Variants in AREG observed in about 807,000 individuals in gnomAD.
The protein encoded by AREG is amphiregulin B.
A neutral mutation model predicts 28.0 loss-of-function variants in AREG; 16 were observed. The observed-to-expected ratio is 0.57, with a 90% CI of 0.39 to 0.87. The LOEUF is 0.87. AREG is among the 40% of genes least tolerant of loss of function. The pLI, the probability that AREG is intolerant of heterozygous loss-of-function variation, is 0.00. For synonymous variants in AREG, 113 were observed against 113.5 expected (o/e 1.00, Z 0.02); for missense variants, 287 against 309.1 (o/e 0.93, Z 0.53).
rs1255106360 is a variant in AREG at position 74,450,047 on chromosome 4, C to T, written c.513-333C>T. The stretch of plus-strand genomic sequence containing the variant: ...TTTCACATTGTTTTAACCTCCTCCC[C>T]GCTTACCTCCCACAAGCAGCTAGCA... On this transcript the variant is annotated intron_variant, in intron 3 of 5. Coordinates refer to ENST00000395748, the MANE Select transcript of AREG (RefSeq NM_001657.4). Among the ~76,000 whole-genome samples the T allele has an allele frequency of 6.6e-5, 10 of 152,002 alleles. No homozygotes were observed. In the South Asian group the frequency reaches 1.7e-3, roughly 25 times the overall value.
chr4:74,451,654 T>C (rs887314431), intron 4 of AREG, among the ~76,000 whole-genome samples: 3 of 152,196 alleles, frequency 2.0e-5, no homozygotes, highest in Non-Finnish European at 4.4e-5. Flanking sequence ...CAAAGGTGTT[T>C]AGGAGACATA....
In AREG at chr4:74,446,501, T is replaced by A. The variant is rs1359708106; in HGVS notation, c.62-33T>A. The A allele has an allele frequency of 6.2e-6, 10 of 1,614,014 alleles. No homozygotes were observed. In the East Asian group the frequency reaches 8.9e-5, roughly 14 times the overall value. ...GACTCGAAAGGCACCCTACTTTACC[T>A]TTTCTTTTCTTCCTTTATTCCCTCC... is the stretch of plus-strand genomic sequence containing the variant. On this transcript the variant is annotated intron_variant, in intron 1 of 5. Transcript: ENST00000395748.
In AREG at chr4:74,452,601, T is replaced by G. The variant is rs1719397300; in HGVS notation, c.723T>G (p.Leu241=). 1 of 1,613,418 alleles carries G rather than the reference T, an allele frequency of 6.2e-7. No homozygotes were observed. Among genetic ancestry groups the G allele is most frequent in the South Asian group, 1.1e-5 (1 of 91,064 alleles). The change falls in exon 5 of 6, where the codon CTT becomes CTG. Residue 241 remains leucine, a synonymous_variant. Coordinates refer to ENST00000395748, the MANE Select transcript of AREG (RefSeq NM_001657.4). ...GAGAAGCTGAGGAACGAAAGAAACTTCGACAAGAGAATGGAAATGTACATG... is the reference window on the plus strand; with the variant it reads ...GAGAAGCTGAGGAACGAAAGAAACTGCGACAAGAGAATGGAAATGTACATG... The part of the protein sequence containing the change: ...YEGEAEERKK[L]RQENGNVHAI...
At chr4:74,453,304 CT>C (rs1157023721) in intron 5 of AREG, among the ~76,000 whole-genome samples, 3 of 152,044 alleles carry the variant, frequency 2.0e-5, no homozygotes, top group Non-Finnish European at 4.4e-5. Context: ...GTTGAATGCT[CT>C]TTTTTTACAA....
chr4:74,455,002 CA>C lies in AREG; in HGVS notation c.*265del. On this transcript the variant is annotated 3_prime_UTR_variant, in exon 6 of 6. Coordinates refer to ENST00000395748, the MANE Select transcript of AREG (RefSeq NM_001657.4). The stretch of plus-strand genomic sequence containing the variant: ...TTACAGCTCATTAAACTTTTTTAAC[CA>C]AACAGATTGAGAGTTTGAATATTAG... The C allele has an allele frequency of 1.8e-6, 1 of 568,804 alleles. No individual in the cohort carries two copies. Among genetic ancestry groups the C allele is most frequent in the South Asian group, 2.5e-5 (1 of 39,354 alleles). 35.2% of individuals were successfully genotyped at this position (568,804 alleles called of 1,614,324 possible).
Position 74,448,405 on chromosome 4 carries a change from C to T in AREG, c.311-642C>T, listed in dbSNP as rs915939350. On this transcript the variant is annotated intron_variant, in intron 2 of 5. Coordinates refer to ENST00000395748, the MANE Select transcript of AREG (RefSeq NM_001657.4). ...ACCCTAGTTGACCTTCACTATGTTT[C>T]TAATGTTTTGTATTGAATGGGTGCT... is the stretch of plus-strand genomic sequence containing the variant. Among the ~76,000 whole-genome samples the T allele has an allele frequency of 3.8e-3, 574 of 152,256 alleles. 4 individuals carry two copies. The highest frequency in any genetic ancestry group is 0.013 in the African/African-American group (537 of 41,544).
chr4:74,454,140 A>G (rs1187279395), intron 5 of AREG, among the ~76,000 whole-genome samples: 1 of 152,228 alleles, frequency 6.6e-6, no homozygotes, highest in Non-Finnish European at 1.5e-5. Flanking sequence ...GTAATTATTC[A>G]TACCAATGCT....
intron 5 of AREG, 84 bp from the exon 6 acceptor site, chr4:74,454,675 G>C: frequency 1.7e-6 from 1 of 584,020 alleles, no homozygotes; most frequent in Non-Finnish European, 3.0e-6. Flanking sequence ...ATGCTTTAAA[G>C]TTTCTTAAAG....
rs770444196 is a variant in AREG, at chr4:74,446,594, C to T, written c.122C>T (p.Ser41Phe). The change falls in exon 2 of 6, where the codon TCT (serine) becomes TTT (phenylalanine). Residue 41 changes from serine (S) to phenylalanine (F), a missense_variant. Ser to Phe is a radical substitution (Grantham distance 155, BLOSUM62 -2). Transcript: ENST00000395748. The part of the protein sequence containing the change: ...DTYSGKREPF[S>F]GDHSADGFEV... ...TACTCTGGGAAGCGTGAACCATTTTCTGGGGACCACAGTGCTGATGGATTT... is the reference window on the plus strand; with the variant it reads ...TACTCTGGGAAGCGTGAACCATTTTTTGGGGACCACAGTGCTGATGGATTT... 8 of 1,613,836 alleles carry T rather than the reference C, an allele frequency of 5.0e-6. No individual in the cohort carries two copies. The East Asian group carries it at 1.6e-4, about 31-fold the overall frequency.
At position 74,445,202 on chromosome 4, in the gene AREG, CG is replaced by C; in HGVS notation, c.-143del. 1 of 1,487,378 alleles carries C rather than the reference CG, an allele frequency of 6.7e-7. No individual in the cohort carries two copies. The highest frequency in any genetic ancestry group is 1.3e-5 in the South Asian group (1 of 75,326). 92.1% of individuals were successfully genotyped at this position (1,487,378 alleles called of 1,614,324 possible). ...GGACAGCCCGAGGCGCCGCGCCCGC[CG>C]CCCCGAGCTCCCCAAGCCTTCGAGA... On this transcript the variant is annotated 5_prime_UTR_variant, in exon 1 of 6. Transcript: ENST00000395748.
rs1000778599 is a variant in AREG, at chr4:74,447,347, G to A, written c.310+565G>A. On this transcript the variant is annotated intron_variant, in intron 2 of 5. Coordinates refer to ENST00000395748, the MANE Select transcript of AREG (RefSeq NM_001657.4). ...GGAGGCATTAGACTTTAGCGTTTAA[G>A]TACTAGGTGATGAGAAGCTGATGGA... is the stretch of plus-strand genomic sequence containing the variant. 4.2e-3 allele frequency among the ~76,000 whole-genome samples: 636 copies of A among 152,286 alleles called. 4 individuals are homozygous for A. The highest frequency in any genetic ancestry group is 0.014 in the Middle Eastern group (4 of 294).
At chr4:74,445,448 T>G in intron 1 of AREG, 42 bp downstream of exon 1, 4 of 1,586,542 alleles carry the variant, frequency 2.5e-6, no homozygotes, top group Non-Finnish European at 3.4e-6. Context: ...TCTCCTCCCA[T>G]GGCAGGTTTT....
chr4:74,445,213 C>A lies in AREG; in HGVS notation c.-133C>A. ...GGCGCCGCGCCCGCCGCCCCGAGCT[C>A]CCCAAGCCTTCGAGAGCGGCGCACA... On this transcript the variant is annotated 5_prime_UTR_variant, in exon 1 of 6. Coordinates refer to ENST00000395748, the MANE Select transcript of AREG (RefSeq NM_001657.4). 1 of 1,517,406 alleles carries A rather than the reference C, an allele frequency of 6.6e-7. No homozygotes were observed. Among genetic ancestry groups the A allele is most frequent in the South Asian group, 1.3e-5 (1 of 79,700 alleles). 94.0% of individuals were successfully genotyped at this position (1,517,406 alleles called of 1,614,324 possible).
rs1224583450 is a variant in AREG, at chr4:74,449,153, C to T, written c.417C>T (p.Asn139=). The change falls in exon 3 of 6, where the codon AAC becomes AAT. Residue 139 remains asparagine, a synonymous_variant. Transcript: ENST00000395748. ...GCAAAAATGGAAAAAATAGAAGAAA[C>T]AGAAAGAAGAAAAATCCATGTAATG... ...KGGKNGKNRR[N]RKKKNPCNAE... is the part of the protein sequence containing the mutation. 1.2e-6 allele frequency: 2 copies of T among 1,612,174 alleles called. No homozygotes were observed. The highest frequency in any genetic ancestry group is 1.7e-6 in the Non-Finnish European group (2 of 1,179,500).
intron 1 of AREG, 48 bp from the exon 2 acceptor site, chr4:74,446,486 G>T: frequency 6.2e-7 from 1 of 1,613,874 alleles, no homozygotes; most frequent in South Asian, 1.1e-5. Flanking sequence ...GACTCGAAAG[G>T]CACCCTACTT....
At chr4:74,448,908 CT>C (rs1719335988) in intron 2 of AREG, 138 bp from the exon 3 acceptor site, 1 of 1,249,814 alleles carries the variant, frequency 8.0e-7, no homozygotes. Context: ...TCCTCTCTAA[CT>C]TTTATATTGT....
chr4:74,448,889 G>T (rs1052362981), intron 2 of AREG, 158 bp from the exon 3 acceptor site: 1 of 1,055,338 alleles, frequency 9.5e-7, no homozygotes, highest in Non-Finnish European at 1.3e-6. Context: ...ATAAATTAGG[G>T]TTATGCAGTC....
chr4:74,447,550 AAAGT>A (rs1451682140), intron 2 of AREG, among the ~76,000 whole-genome samples: 1 of 152,198 alleles, frequency 6.6e-6, no homozygotes, highest in Non-Finnish European at 1.5e-5. Flanking sequence ...TGAAAGTACC[AAAGT>A]AAGAGAGAAA....
intron 2 of AREG, chr4:74,448,810 G>A: frequency 8.0e-6 from 4 of 499,554 alleles, no homozygotes; most frequent in Non-Finnish European, 6.9e-6. Context: ...CCACCTGCAA[G>A]TAGTACTCAC....
Sources: allele counts gnomAD v4.1 joint callset (sites outside exome capture counted in the v4.1 genomes callset), GRCh38; gene constraint gnomAD v4.1.1; transcripts MANE v1.5; gene names NCBI Gene and HGNC (gene_info 2026-07-23, HGNC 2026-07-21).